The following SLC37A3 variants were observed in gnomAD, a reference collection of about 807,000 sequenced individuals.
SLC37A3 encodes the protein solute carrier family 37 member 3.
In SLC37A3, 51 loss-of-function variants were observed where a neutral mutation model predicts 67.1. The ratio of observed to expected loss-of-function variants is 0.76; its 90% CI spans 0.61 to 0.96. The LOEUF (loss-of-function observed/expected upper bound fraction) is 0.96. Ranked by LOEUF, SLC37A3 falls within the 40% of genes least tolerant of loss-of-function variation. The pLI is 0.00. For missense variants in SLC37A3, 508 were observed against 603.0 expected, an observed-to-expected ratio of 0.84 and a Z score of 1.65; for synonymous variants, 214 against 231.4, an observed-to-expected ratio of 0.92 and a Z score of 0.68.
intron 3 of SLC37A3, among the ~76,000 whole-genome samples, chr7:140,370,182 C>A (rs980400768): frequency 2.7e-5 from 4 of 149,312 alleles, no homozygotes; most frequent in Non-Finnish European, 5.9e-5. Flanking sequence ...TTTTAATTGA[C>A]ACATAGTAAT....
intron 14 of SLC37A3, among the ~76,000 whole-genome samples, chr7:140,337,021 C>A (rs1168140662): frequency 6.7e-6 from 1 of 150,300 alleles, no homozygotes; most frequent in Non-Finnish European, 1.5e-5. Flanking sequence ...ATCGCTTGAA[C>A]CCGGGAGGCA....
chr7:140,380,884 A>AATT (rs1176800991), intron 2 of SLC37A3, among the ~76,000 whole-genome samples: 1 of 131,646 alleles, frequency 7.6e-6, no homozygotes, highest in African/African-American at 2.7e-5. Flanking sequence ...ACAATTTTAG[A>AATT]ATTCTTCTTC....
chr7:140,339,914 A>G (rs971630224), intron 13 of SLC37A3, among the ~76,000 whole-genome samples: 1 of 151,742 alleles, frequency 6.6e-6, no homozygotes, highest in African/African-American at 2.4e-5. Context: ...TTTTTCTTGT[A>G]TTTTTAGTAG....
chr7:140,342,700 A>C (rs923653460), intron 13 of SLC37A3, among the ~76,000 whole-genome samples: 4 of 152,220 alleles, frequency 2.6e-5, no homozygotes, highest in African/African-American at 7.2e-5. Context: ...GGTCAATGTA[A>C]ATAATTCTAA....
chr7:140,357,799 C>T (rs1797093742), intron 6 of SLC37A3, among the ~76,000 whole-genome samples: 1 of 151,984 alleles, frequency 6.6e-6, no homozygotes, highest in African/African-American at 2.4e-5. Flanking sequence ...TGCCTGTAAT[C>T]CCAGCTACTC....
At chr7:140,384,508 T>C (rs1387549112) in intron 1 of SLC37A3, among the ~76,000 whole-genome samples, 1 of 151,972 alleles carries the variant, frequency 6.6e-6, no homozygotes, top group African/African-American at 2.4e-5. Context: ...GTCCAAGAGT[T>C]TGAGAACAGC....
intron 5 of SLC37A3, among the ~76,000 whole-genome samples, chr7:140,361,768 T>G (rs1262992457): frequency 6.9e-6 from 1 of 145,952 alleles, no homozygotes; most frequent in Non-Finnish European, 1.5e-5. Context: ...GCCGGGCTGG[T>G]CTCCAGCTCC....
chr7:140,378,522 G>A (rs1798118112), intron 3 of SLC37A3, among the ~76,000 whole-genome samples: 1 of 152,104 alleles, frequency 6.6e-6, no homozygotes, highest in Non-Finnish European at 1.5e-5. Context: ...AGGATCACGA[G>A]GTCAAGAGAT....
chr7:140,354,740 GTTTTTTTTTT>G (rs757344637), intron 7 of SLC37A3, among the ~76,000 whole-genome samples: 1 of 124,400 alleles, frequency 8.0e-6, no homozygotes, highest in African/African-American at 2.9e-5. Flanking sequence ...GCTTTTTGGT[GTTTTTTTTTT>G]TTTTTTTTGA....
chr7:140,372,834 G>A (rs530316118), intron 3 of SLC37A3, among the ~76,000 whole-genome samples: 28 of 151,676 alleles, frequency 1.8e-4, no homozygotes, highest in Non-Finnish European at 3.4e-4. Context: ...CTGCACTCCA[G>A]CCTGGGTGAC....
At position 140,350,751 on chromosome 7, in the gene SLC37A3, G is replaced by A. The variant is rs374848882; in HGVS notation, c.882+522C>T. Reference sequence around the variant, plus strand: ...TGCACTCCAGCCTGGGTGACAGAGCGACACTCCGTCCCAAAATCATAAATA... The same window carrying A: ...TGCACTCCAGCCTGGGTGACAGAGCAACACTCCGTCCCAAAATCATAAATA... On this transcript the variant is annotated intron_variant, in intron 9 of 14. Coordinates refer to ENST00000326232, the MANE Select transcript of SLC37A3 (RefSeq NM_207113.3). 1.8e-4 allele frequency among the ~76,000 whole-genome samples: 27 copies of A among 152,012 alleles called. No homozygotes were observed. In the East Asian group the frequency reaches 2.3e-3, roughly 13 times the overall value.
At chr7:140,362,099 A>C (rs1797335410) in intron 5 of SLC37A3, among the ~76,000 whole-genome samples, 1 of 127,640 alleles carries the variant, frequency 7.8e-6, no homozygotes, top group Admixed American at 7.5e-5. Context: ...CCATCTAGGA[A>C]GTGAGGAGCG....
intron 7 of SLC37A3, among the ~76,000 whole-genome samples, chr7:140,352,448 T>C (rs1271639068): frequency 1.3e-5 from 2 of 152,238 alleles, no homozygotes; most frequent in African/African-American, 4.8e-5. Context: ...TCTAGGTCTT[T>C]GTATCACATA....
intron 8 of SLC37A3, 99 bp from the exon 9 acceptor site, chr7:140,351,550 AT>A: frequency 1.6e-6 from 2 of 1,288,432 alleles, no homozygotes; most frequent in Non-Finnish European, 2.1e-6. Context: ...TTTTATTTCC[AT>A]TTTACAGAAG....
rs377761607 is a variant in SLC37A3, at chr7:140,380,270, T to C, written c.198+12A>G. 1.5e-5 allele frequency: 23 copies of C among 1,568,594 alleles called. 1 individual carries two copies. The African/African-American group carries it at 1.7e-4, about 12-fold the overall frequency. ...CCTACTTCGATCCATCCCAGCACTCTGTTCTGCTTACCTCCACAGGCAGCT... is the reference window on the plus strand; with the variant it reads ...CCTACTTCGATCCATCCCAGCACTCCGTTCTGCTTACCTCCACAGGCAGCT... On this transcript the variant is annotated intron_variant, in intron 3 of 14. Transcript: ENST00000326232.
rs189834235 is a variant in SLC37A3, at chr7:140,382,546, C to T, written c.-20G>A. The T allele has an allele frequency of 6.2e-7, 1 of 1,611,490 alleles. No individual in the cohort carries two copies. The highest frequency in any genetic ancestry group is 1.3e-5 in the African/African-American group (1 of 74,974). Reference sequence around the variant, plus strand: ...GGCCATGTTCTTCCTGACCTTCCTTCTCACCTTTGACCTTAAGGTTTGGAT... The same window carrying T: ...GGCCATGTTCTTCCTGACCTTCCTTTTCACCTTTGACCTTAAGGTTTGGAT... On this transcript the variant is annotated 5_prime_UTR_variant, in exon 2 of 15. Coordinates refer to ENST00000326232, the MANE Select transcript of SLC37A3 (RefSeq NM_207113.3).
At chr7:140,377,880 A>T (rs575735540) in intron 3 of SLC37A3, among the ~76,000 whole-genome samples, 42 of 152,154 alleles carry the variant, frequency 2.8e-4, no homozygotes, top group South Asian at 1.0e-3. Flanking sequence ...AAAATAATTT[A>T]AAAAAAATTT....
intron 13 of SLC37A3, among the ~76,000 whole-genome samples, chr7:140,342,329 A>G (rs1796390629): frequency 6.6e-6 from 1 of 152,152 alleles, no homozygotes; most frequent in Non-Finnish European, 1.5e-5. Flanking sequence ...TGTCAAAACT[A>G]AGAGCCTAAA....
At chr7:140,351,855 G>A (rs1353324402) in intron 8 of SLC37A3, 9 of 660,876 alleles carry the variant, frequency 1.4e-5, no homozygotes, top group Middle Eastern at 3.1e-4. Context: ...TATAAAAGAC[G>A]TGCATCACTC....
Sources: gnomAD v4.1 joint callset for allele counts (sites outside exome capture counted in the v4.1 genomes callset) on GRCh38, gnomAD v4.1.1 for gene constraint, MANE v1.5 for transcripts, NCBI Gene and HGNC (gene_info 2026-07-23, HGNC 2026-07-21) for gene names.